Variants in TLL1 observed in about 807,000 individuals in gnomAD.
The protein encoded by TLL1 is tolloid-like protein 1.
A neutral mutation model predicts 128.2 loss-of-function variants in TLL1; 49 were observed. The observed-to-expected ratio is 0.38, with a 90% confidence interval of 0.30 to 0.48. The LOEUF (loss-of-function observed/expected upper bound fraction) is 0.48. Ranked by LOEUF, TLL1 falls within the 20% of genes least tolerant of loss-of-function variation. The probability of loss-of-function intolerance (pLI) is 0.96; values close to 1 mark genes in which losing one functional copy is unlikely to be tolerated. For synonymous variants in TLL1, 454 were observed against 418.8 expected, an observed-to-expected ratio of 1.08 and a Z score of -1.03; for missense variants, 1,123 against 1,242.0, an observed-to-expected ratio of 0.90 and a Z score of 1.44.
At chr4:166,050,339 A>T (rs1005332851) in intron 12 of TLL1, among the ~76,000 whole-genome samples, 2 of 152,122 alleles carry the variant, frequency 1.3e-5, no homozygotes, top group Non-Finnish European at 2.9e-5. Context: ...TTATCCATTC[A>T]TCTATCAATG....
chr4:165,918,477 C>T (rs764288134), intron 1 of TLL1, among the ~76,000 whole-genome samples: 1 of 152,082 alleles, frequency 6.6e-6, no homozygotes, highest in Non-Finnish European at 1.5e-5. Flanking sequence ...AAATTAGAAT[C>T]TCTGTGAGGG....
intron 1 of TLL1, among the ~76,000 whole-genome samples, chr4:165,942,410 C>A (rs1734060009): frequency 6.6e-6 from 1 of 152,010 alleles, no homozygotes; most frequent in East Asian, 1.9e-4. Context: ...GCTCCCATGT[C>A]ATTCTTCATG....
At chr4:165,901,662 C>T (rs369005690) in intron 1 of TLL1, among the ~76,000 whole-genome samples, 9 of 152,284 alleles carry the variant, frequency 5.9e-5, no homozygotes, top group African/African-American at 1.9e-4. Flanking sequence ...TTGAGCTCTC[C>T]TGTATGAGGT....
chr4:165,990,337 G>A (rs1323660830), intron 2 of TLL1, among the ~76,000 whole-genome samples: 1 of 151,556 alleles, frequency 6.6e-6, no homozygotes, highest in African/African-American at 2.4e-5. Flanking sequence ...TCCCTTTTTA[G>A]TATTTTTATT....
intron 20 of TLL1, 143 bp downstream of exon 20, chr4:166,099,670 C>A (rs2111168460): frequency 9.2e-7 from 1 of 1,085,294 alleles, no homozygotes; most frequent in Admixed American, 2.3e-5. Context: ...AATGGCTTGA[C>A]AAAATATAAC....
rs571976709 is a variant in TLL1 at position 165,910,835 on chromosome 4, C to T, written c.169+36762C>T. ...GGGCTTATCAAGATTAAGTAACATGCCCATGATTATATAGCTGCCAAGTGA... is the reference window on the plus strand; with the variant it reads ...GGGCTTATCAAGATTAAGTAACATGTCCATGATTATATAGCTGCCAAGTGA... On this transcript the variant is annotated intron_variant, in intron 1 of 20. Coordinates refer to ENST00000061240, the MANE Select transcript of TLL1 (RefSeq NM_012464.5). Among the ~76,000 whole-genome samples, 3 of 152,276 alleles carry T rather than the reference C, an allele frequency of 2.0e-5. No individual in the cohort carries two copies. In the East Asian group the frequency reaches 5.8e-4, roughly 29 times the overall value.
intron 1 of TLL1, among the ~76,000 whole-genome samples, chr4:165,912,666 C>T (rs1732589415): frequency 6.7e-6 from 1 of 149,008 alleles, no homozygotes; most frequent in Non-Finnish European, 1.5e-5. Flanking sequence ...CGATTTCCTC[C>T]TCGTTCCATA....
intron 1 of TLL1, among the ~76,000 whole-genome samples, chr4:165,957,085 A>G (rs1195075662): frequency 3.3e-5 from 5 of 152,132 alleles, no homozygotes; most frequent in Admixed American, 2.0e-4. Flanking sequence ...AATAAGACCC[A>G]ACCAATTGCT....
chr4:166,054,474 T>A (rs1043601105), intron 12 of TLL1, among the ~76,000 whole-genome samples: 2 of 152,084 alleles, frequency 1.3e-5, no homozygotes, highest in Non-Finnish European at 2.9e-5. Context: ...CGCAGGTTAG[T>A]TACATATGTA....
intron 18 of TLL1, among the ~76,000 whole-genome samples, chr4:166,080,887 C>T (rs1028741516): frequency 6.6e-6 from 1 of 152,056 alleles, no homozygotes; most frequent in African/African-American, 2.4e-5. Context: ...AAATATTGTT[C>T]CTCTCCACCC....
At chr4:166,066,917 G>A (rs1368817003) in intron 16 of TLL1, among the ~76,000 whole-genome samples, 1 of 151,682 alleles carries the variant, frequency 6.6e-6, no homozygotes, top group Non-Finnish European at 1.5e-5. Context: ...GACTTTTTAA[G>A]ACTTCACTAT....
chr4:166,047,563 G>T (rs1490807714), intron 12 of TLL1, among the ~76,000 whole-genome samples: 214 of 151,000 alleles, frequency 1.4e-3, no homozygotes, highest in Non-Finnish European at 2.6e-3. Flanking sequence ...AGATAAACTT[G>T]TCCATCATGC....
At chr4:165,926,900 T>G (rs1733296019) in intron 1 of TLL1, among the ~76,000 whole-genome samples, 1 of 152,220 alleles carries the variant, frequency 6.6e-6, no homozygotes, top group Non-Finnish European at 1.5e-5. Flanking sequence ...TTGCACTAGA[T>G]GGATAAAATA....
In TLL1 at chr4:166,042,034, C is replaced by A. The variant is rs753480448; in HGVS notation, c.1269C>A (p.Phe423Leu). ...TTCTTTTATTTCTTTTAGGTAGATT[C>A]TGTGGGGACAAATTGCCTGAAGTTC... is the stretch of plus-strand genomic sequence containing the variant. ...YWRKSPLLGR[F>L]CGDKLPEVLT... The change falls in exon 11 of 21, where the codon TTC becomes TTA. Residue 423 changes from phenylalanine (F) to leucine (L), a missense_variant. Physicochemically the swap from Phe to Leu is conservative, Grantham distance 22. This residue lies in a region of TLL1 where 480 missense variants were observed against 542.4 expected (regional missense o/e 0.89). Transcript: ENST00000061240. 16 of 1,608,600 alleles carry A rather than the reference C, an allele frequency of 9.9e-6. No individual in the cohort carries two copies. The highest frequency in any genetic ancestry group is 1.4e-5 in the Non-Finnish European group (16 of 1,175,742).
intron 1 of TLL1, among the ~76,000 whole-genome samples, chr4:165,953,910 A>G (rs953096875): frequency 4.6e-5 from 7 of 152,048 alleles, no homozygotes; most frequent in Admixed American, 1.3e-4. Flanking sequence ...AAGAGTGATA[A>G]TATTTTCTTA....
intron 15 of TLL1, among the ~76,000 whole-genome samples, chr4:166,065,409 A>G (rs1740522581): frequency 6.6e-6 from 1 of 152,020 alleles, no homozygotes; most frequent in Non-Finnish European, 1.5e-5. Context: ...AGTGCCATGT[A>G]TGACAAGTAT....
At chr4:165,911,254 T>A (rs1308287487) in intron 1 of TLL1, among the ~76,000 whole-genome samples, 1 of 152,146 alleles carries the variant, frequency 6.6e-6, no homozygotes. Flanking sequence ...AAGATCAACT[T>A]TTTTTTAGCT....
At position 166,103,871 on chromosome 4, in the gene TLL1, T is replaced by C. The variant is rs1283029010; in HGVS notation, c.*2995T>C. ...AAAAAAAAACACTGTTCTCACTTGATTTTATTAAATTATTTTTAAAAGTCA... is the reference window on the plus strand; with the variant it reads ...AAAAAAAAACACTGTTCTCACTTGACTTTATTAAATTATTTTTAAAAGTCA... On this transcript the variant is annotated 3_prime_UTR_variant, in exon 21 of 21. Transcript: ENST00000061240. 1.3e-5 allele frequency: 2 copies of C among 151,190 alleles called. No individual in the cohort carries two copies. Among genetic ancestry groups the C allele is most frequent in the Non-Finnish European group, 1.5e-5 (1 of 67,778 alleles). The allele number at this position is 151,190 out of a possible 1,614,324, so 9.4% of individuals were successfully genotyped here. A position where few individuals can be genotyped will look rare whatever the true frequency, so the allele number is the denominator to read the frequency against.
At chr4:165,950,410 C>T (rs1734457668) in intron 1 of TLL1, among the ~76,000 whole-genome samples, 1 of 152,040 alleles carries the variant, frequency 6.6e-6, no homozygotes. Flanking sequence ...TGAGCATCAT[C>T]ATCATTCAAC....
Sources: allele counts gnomAD v4.1 joint callset (sites outside exome capture counted in the v4.1 genomes callset), GRCh38; gene constraint gnomAD v4.1.1; regional missense constraint gnomAD v4.1.1; transcripts MANE v1.5; gene names NCBI Gene and HGNC (gene_info 2026-07-23, HGNC 2026-07-21).